SYTL4: variants seen among roughly 807,000 people sequenced by gnomAD.
The protein encoded by SYTL4 is synaptotagmin-like protein 4.
SYTL4 carries 16 observed loss-of-function variants against 52.7 expected under a neutral mutation model. The ratio of observed to expected loss-of-function variants is 0.30; its 90% CI spans 0.21 to 0.46. SYTL4 has a LOEUF of 0.46. Among genes scored for constraint, SYTL4 ranks in the 20% least tolerant of loss-of-function variants. The probability of loss-of-function intolerance (pLI) is 1.00; values close to 1 mark genes in which losing one functional copy is unlikely to be tolerated. For synonymous variants in SYTL4, 160 were observed against 186.6 expected (o/e 0.86, Z 1.16); for missense variants, 423 against 519.9 (o/e 0.81, Z 1.81).
chrX:100,696,435 C>A (rs2083707889), intron 8 of SYTL4, among the ~76,000 whole-genome samples: 1 of 111,547 alleles, frequency 9.0e-6, no homozygotes, highest in Non-Finnish European at 1.9e-5. Flanking sequence ...TTTAGTCATT[C>A]TAATGGGTAT....
chrX:100,724,599 GCT>G (rs1316132322), intron 2 of SYTL4, among the ~76,000 whole-genome samples: 7 of 100,238 alleles, frequency 7.0e-5, no homozygotes, highest in Non-Finnish European at 1.2e-4. Flanking sequence ...TGAAACATGT[GCT>G]GTGTCCACTC....
intron 14 of SYTL4, 63 bp downstream of exon 14, chrX:100,687,004 C>T (rs1248992089): frequency 2.1e-5 from 24 of 1,133,114 alleles, no homozygotes; most frequent in Middle Eastern, 2.8e-4. Context: ...CAAGAGTGCC[C>T]GGACAGATGC....
chrX:100,688,563 CT>C (rs746602688), intron 12 of SYTL4, 120 bp from the exon 13 acceptor site: 56,672 of 288,803 alleles, frequency 0.2, 2,063 homozygotes, highest in African/African-American at 0.49. Context: ...ACACATACTT[CT>C]TTTTTTTTTT....
At chrX:100,718,768 C>T (rs1253908477) in intron 2 of SYTL4, among the ~76,000 whole-genome samples, 1 of 108,691 alleles carries the variant, frequency 9.2e-6, no homozygotes, top group Non-Finnish European at 1.9e-5. Context: ...GTAGAGTTTG[C>T]ATGTGCTGAG....
In SYTL4 at chrX:100,685,919, T is replaced by C; in HGVS notation, c.1449+71A>G. On this transcript the variant is annotated intron_variant, in intron 16 of 19. Coordinates refer to ENST00000372989, the MANE Select transcript of SYTL4 (RefSeq NM_001370165.1). ...ACTACATTCAAAGACGCTACCAACA[T>C]AGACCAGCAGAGGCTACTGCAGACA... 5.8e-6 allele frequency: 6 copies of C among 1,043,358 alleles called. No homozygotes were observed. The South Asian group carries it at 1.5e-4, about 26-fold the overall frequency. 86.0% of individuals were successfully genotyped at this position (1,043,358 alleles called of 1,213,427 possible).
At chrX:100,685,942 A>G (rs1467198829) in intron 16 of SYTL4, 48 bp downstream of exon 16, 5 of 1,131,545 alleles carry the variant, frequency 4.4e-6, no homozygotes, top group Non-Finnish European at 5.9e-6. Context: ...GCTACTGCAG[A>G]CAATTCTACC....
intron 12 of SYTL4, 120 bp from the exon 13 acceptor site, chrX:100,688,563 C>A: frequency 1.5e-4 from 50 of 327,456 alleles, no homozygotes; most frequent in Non-Finnish European, 1.9e-4. Flanking sequence ...ACACATACTT[C>A]TTTTTTTTTT....
At chrX:100,691,032 G>T in intron 9 of SYTL4, 76 bp downstream of exon 9, 4 of 766,332 alleles carry the variant, frequency 5.2e-6, no homozygotes, top group Non-Finnish European at 7.9e-6. Flanking sequence ...GAGGACAGAA[G>T]TCAGGAACAC....
At chrX:100,711,967 T>TA (rs2084081447) in intron 2 of SYTL4, among the ~76,000 whole-genome samples, 1 of 108,018 alleles carries the variant, frequency 9.3e-6, no homozygotes, top group East Asian at 2.8e-4. Context: ...AATGCAAGTG[T>TA]AAAGACAGAA....
intron 2 of SYTL4, among the ~76,000 whole-genome samples, chrX:100,726,712 CCT>C (rs766568921): frequency 1.4e-3 from 157 of 110,782 alleles, no homozygotes; most frequent in African/African-American, 4.7e-3. Context: ...CTTTTTATCC[CCT>C]GTGCCTTACT....
rs1310611969 is a variant in SYTL4 at position 100,707,661 on chromosome X, T to A, written c.-239-2775A>T. On this transcript the variant is annotated intron_variant, in intron 2 of 19. Coordinates refer to ENST00000372989, the MANE Select transcript of SYTL4 (RefSeq NM_001370165.1). ...GATAGATGTGAAGTTAGAAAAGCTA[T>A]GACTAATCGGATACTCCCAATTTAT... Among the ~76,000 whole-genome samples the A allele has an allele frequency of 3.6e-5, 4 of 112,148 alleles. No individual in the cohort carries two copies. The Admixed American group carries it at 3.8e-4, about 11-fold the overall frequency.
chrX:100,697,336 TTAAAC>T (rs1480125935), intron 8 of SYTL4, among the ~76,000 whole-genome samples: 1 of 112,312 alleles, frequency 8.9e-6, no homozygotes, highest in Non-Finnish European at 1.9e-5. Flanking sequence ...TATTCAGTCC[TTAAAC>T]TAAAGTACAG....
chrX:100,679,522 T>C (rs2083336408), intron 17 of SYTL4, 110 bp from the exon 18 acceptor site: 1 of 578,910 alleles, frequency 1.7e-6, no homozygotes, highest in Admixed American at 2.9e-5. Flanking sequence ...GCGAGCTCCA[T>C]AACAGAACCG....
At chrX:100,725,680 T>C (rs981272600) in intron 2 of SYTL4, among the ~76,000 whole-genome samples, 3 of 111,647 alleles carry the variant, frequency 2.7e-5, no homozygotes, top group Non-Finnish European at 3.8e-5. Context: ...AGGAGAAAAA[T>C]GGCCATTGTC....
chrX:100,689,639 CAAAAAAAA>C (rs58418223), intron 12 of SYTL4, among the ~76,000 whole-genome samples: 1 of 39,665 alleles, frequency 2.5e-5, no homozygotes, highest in Admixed American at 4.1e-4. Context: ...AACTCCGTCT[CAAAAAAAA>C]AAAAAAAAAA....
intron 2 of SYTL4, among the ~76,000 whole-genome samples, chrX:100,727,404 A>T (rs1401171031): frequency 8.9e-6 from 1 of 112,643 alleles, no homozygotes; most frequent in East Asian, 2.8e-4. Context: ...AATCAGTTAG[A>T]TACTATTTTT....
At chrX:100,725,703 A>G (rs750673879) in intron 2 of SYTL4, among the ~76,000 whole-genome samples, 2 of 111,929 alleles carry the variant, frequency 1.8e-5, no homozygotes, top group Admixed American at 9.5e-5. Flanking sequence ...CCTTCTTCTC[A>G]GCCATACCTC....
At chrX:100,714,364 A>C (rs1256628628) in intron 2 of SYTL4, among the ~76,000 whole-genome samples, 1 of 107,381 alleles carries the variant, frequency 9.3e-6, no homozygotes, top group Non-Finnish European at 1.9e-5. Context: ...GGTTCACGCC[A>C]TTCTCCTGCC....
chrX:100,701,020 T>A, intron 7 of SYTL4, 21 bp from the exon 8 acceptor site: 3 of 1,153,206 alleles, frequency 2.6e-6, no homozygotes, highest in Non-Finnish European at 3.6e-6. Context: ...AAGAAAAGTA[T>A]GCCAGGGTGG....
Sources: allele counts gnomAD v4.1 joint callset (sites outside exome capture counted in the v4.1 genomes callset), GRCh38; gene constraint gnomAD v4.1.1; transcripts MANE v1.5; gene names NCBI Gene and HGNC (gene_info 2026-07-23, HGNC 2026-07-21).